CADM2: variants seen among roughly 807,000 people sequenced by gnomAD.
CADM2 encodes the protein cell adhesion molecule 2.
A neutral mutation model predicts 49.8 loss-of-function variants in CADM2; 12 were observed. That is an observed-to-expected ratio of 0.24 (90% CI 0.15 to 0.39). The LOEUF is 0.39. Ranked by LOEUF, CADM2 falls within the 10% of genes least tolerant of loss-of-function variation. CADM2 has a pLI of 1.00. For synonymous variants in CADM2, 214 were observed against 175.4 expected (o/e 1.22, Z -1.74); for missense variants, 378 against 492.3 (o/e 0.77, Z 2.20).
At chr3:85,013,639 A>G (rs2034100959) in intron 1 of CADM2, among the ~76,000 whole-genome samples, 1 of 151,470 alleles carries the variant, frequency 6.6e-6, no homozygotes, top group Admixed American at 6.6e-5. Context: ...TAATTTCATT[A>G]TAAATATGGT....
intron 1 of CADM2, among the ~76,000 whole-genome samples, chr3:85,353,978 A>C (rs2031600692): frequency 6.6e-6 from 1 of 152,054 alleles, no homozygotes; most frequent in Admixed American, 6.6e-5. Context: ...CAATTATTCT[A>C]ATTTGAATCA....
intron 1 of CADM2, among the ~76,000 whole-genome samples, chr3:85,321,085 T>TACATAC (rs2044586581): frequency 9.0e-6 from 1 of 111,446 alleles, no homozygotes; most frequent in Non-Finnish European, 1.9e-5. Flanking sequence ...TCATAATAGA[T>TACATAC]ATATACATAT....
At chr3:85,517,913 T>C (rs1170219973) in intron 1 of CADM2, among the ~76,000 whole-genome samples, 4 of 152,178 alleles carry the variant, frequency 2.6e-5, no homozygotes, top group Non-Finnish European at 5.9e-5. Context: ...GCGAATATAG[T>C]GCTCATTTTT....
chr3:85,979,613 G>A (rs1047051249), intron 8 of CADM2, among the ~76,000 whole-genome samples: 3 of 151,572 alleles, frequency 2.0e-5, no homozygotes, highest in Non-Finnish European at 4.4e-5. Context: ...TAAATAAGAT[G>A]TTCATGTGTG....
chr3:85,420,020 CA>C (rs2036096918), intron 1 of CADM2, among the ~76,000 whole-genome samples: 1 of 152,126 alleles, frequency 6.6e-6, no homozygotes, highest in Non-Finnish European at 1.5e-5. Flanking sequence ...CATATTTAAC[CA>C]AAAAGTTGAT....
intron 1 of CADM2, among the ~76,000 whole-genome samples, chr3:85,557,226 T>C (rs2061981938): frequency 6.6e-6 from 1 of 152,028 alleles, no homozygotes. Context: ...CATACAAATG[T>C]ATATACACAT....
intron 1 of CADM2, among the ~76,000 whole-genome samples, chr3:85,521,213 T>G (rs2061020014): frequency 1.3e-5 from 2 of 152,182 alleles, no homozygotes; most frequent in Non-Finnish European, 2.9e-5. Flanking sequence ...CTGTGATTGT[T>G]TGCATTCTCA....
chr3:85,383,264 G>A (rs574559958), intron 1 of CADM2, among the ~76,000 whole-genome samples: 22 of 152,068 alleles, frequency 1.4e-4, no homozygotes, highest in African/African-American at 3.9e-4. Context: ...TGCCTGATTC[G>A]TGAATTGTTT....
chr3:85,704,107 G>T (rs568231810), intron 1 of CADM2, among the ~76,000 whole-genome samples: 3 of 152,068 alleles, frequency 2.0e-5, no homozygotes, highest in Non-Finnish European at 4.4e-5. Context: ...TCTTTTCATG[G>T]TCTGTTTCTT....
At chr3:85,340,135 A>T (rs1465042726) in intron 1 of CADM2, among the ~76,000 whole-genome samples, 7 of 151,548 alleles carry the variant, frequency 4.6e-5, no homozygotes, top group Non-Finnish European at 1.0e-4. Flanking sequence ...ATCATAGGTT[A>T]AAAATAATCT....
At chr3:85,777,765 C>T (rs1473399702) in intron 2 of CADM2, among the ~76,000 whole-genome samples, 2 of 152,148 alleles carry the variant, frequency 1.3e-5, no homozygotes, top group Non-Finnish European at 2.9e-5. Flanking sequence ...CTCAAATTGT[C>T]TAACATGTAG....
chr3:85,299,210 A>G (rs2044036290), intron 1 of CADM2, among the ~76,000 whole-genome samples: 1 of 152,136 alleles, frequency 6.6e-6, no homozygotes, highest in African/African-American at 2.4e-5. Flanking sequence ...TTACAAACGA[A>G]TAACTATTAT....
intron 6 of CADM2, among the ~76,000 whole-genome samples, chr3:85,921,688 G>A (rs1166683100): frequency 6.6e-6 from 1 of 151,920 alleles, no homozygotes; most frequent in African/African-American, 2.4e-5. Flanking sequence ...CTTTACATTA[G>A]GGTTCACTCT....
intron 6 of CADM2, among the ~76,000 whole-genome samples, chr3:85,928,304 G>T (rs539912775): frequency 6.6e-6 from 1 of 151,932 alleles, no homozygotes; most frequent in African/African-American, 2.4e-5. Context: ...GATTACAGGC[G>T]CATGCCATCA....
At chr3:85,256,965 G>T (rs890361709) in intron 1 of CADM2, among the ~76,000 whole-genome samples, 1 of 151,956 alleles carries the variant, frequency 6.6e-6, no homozygotes, top group Non-Finnish European at 1.5e-5. Context: ...ATTTATAGAG[G>T]TTTCATCATA....
chr3:85,159,937 C>G lies in CADM2; in HGVS notation c.61+200269C>G, dbSNP rs7623165. 6.9e-3 allele frequency among the ~76,000 whole-genome samples: 1,047 copies of G among 152,186 alleles called. 10 individuals are homozygous for G. Among genetic ancestry groups the G allele is most frequent in the African/African-American group, 0.023 (959 of 41,546 alleles). On this transcript the variant is annotated intron_variant, in intron 1 of 9. Transcript: ENST00000383699. ...TTTTCATATTTGGCAAATTCCTTTT[C>G]AGAAAGCTGTATAATTTGAAATTTT...
intron 5 of CADM2, among the ~76,000 whole-genome samples, chr3:85,906,912 CT>C (rs1329702392): frequency 6.6e-6 from 1 of 152,126 alleles, no homozygotes; most frequent in Non-Finnish European, 1.5e-5. Flanking sequence ...GACAAATTGC[CT>C]TTAAAGTATG....
intron 8 of CADM2, chr3:85,992,935 T>C (rs1398199369): frequency 6.6e-6 from 1 of 152,210 alleles, no homozygotes; most frequent in Non-Finnish European, 1.5e-5. Context: ...TTGATGAAAT[T>C]TTATCCACAG....
intron 1 of CADM2, among the ~76,000 whole-genome samples, chr3:85,312,591 G>C (rs906386748): frequency 6.6e-6 from 1 of 151,960 alleles, no homozygotes; most frequent in African/African-American, 2.4e-5. Flanking sequence ...CACTTATTAG[G>C]TAAACAGTAG....
Sources: allele counts gnomAD v4.1 joint callset (sites outside exome capture counted in the v4.1 genomes callset), GRCh38; gene constraint gnomAD v4.1.1; transcripts MANE v1.5; gene names NCBI Gene and HGNC (gene_info 2026-07-23, HGNC 2026-07-21).